GTPBP6: variants seen among roughly 807,000 people sequenced by gnomAD.
The protein encoded by GTPBP6 is GTP binding protein 6.
Under a neutral mutation model 28.9 loss-of-function variants are expected in GTPBP6, and 33 were observed. The ratio of observed to expected loss-of-function variants is 1.14; its 90% CI spans 0.87 to 1.53. GTPBP6 has a LOEUF of 1.53. Among genes scored for constraint, GTPBP6 ranks in the 40% most tolerant of loss-of-function variants. The probability of loss-of-function intolerance (pLI) is 0.00; values close to 1 mark genes in which losing one functional copy is unlikely to be tolerated. For missense variants in GTPBP6, 507 were observed against 408.3 expected, an observed-to-expected ratio of 1.24 and a Z score of -2.08; for synonymous variants, 231 against 192.7, an observed-to-expected ratio of 1.20 and a Z score of -1.65.
At chrX:316,524 C>T (rs2070443747) in intron 2 of GTPBP6, among the ~76,000 whole-genome samples, 3 of 152,158 alleles carry the variant, frequency 2.0e-5, no homozygotes, top group African/African-American at 7.2e-5. Flanking sequence ...ACCTGGGAAG[C>T]GCAAGGATCG....
intron 2 of GTPBP6, among the ~76,000 whole-genome samples, chrX:316,649 T>G (rs2070445768): frequency 6.6e-6 from 1 of 152,110 alleles, no homozygotes; most frequent in Non-Finnish European, 1.5e-5. Flanking sequence ...GCCTACCCTG[T>G]TTGTTGGACT....
At chrX:312,199 ATTAT>A in intron 6 of GTPBP6, 1 of 410,760 alleles carries the variant, frequency 2.4e-6, no homozygotes, top group South Asian at 1.7e-5. Flanking sequence ...ACACGGGTGG[ATTAT>A]GTAGACGGGG....
At chrX:318,292 A>G (rs1294484433) in intron 1 of GTPBP6, 147 bp downstream of exon 1, 1 of 317,700 alleles carries the variant, frequency 3.1e-6, no homozygotes, top group Non-Finnish European at 5.2e-6. Flanking sequence ...GATTCTCCCC[A>G]CAGAACCCCG....
At chrX:317,721 AC>A (rs1377266219) in intron 1 of GTPBP6, among the ~76,000 whole-genome samples, 3 of 11,090 alleles carry the variant, frequency 2.7e-4, no homozygotes, top group Admixed American at 9.4e-4. Flanking sequence ...ACCCCACCCC[AC>A]CCCACCCCAC....
exon 10 of GTPBP6, chrX:305,020 C>G (rs892892646): frequency 1.2e-6 from 2 of 1,600,084 alleles, no homozygotes; most frequent in African/African-American, 2.7e-5. Flanking sequence ...GCGGTAACGC[C>G]TCAGCTCCCC....
exon 7 of GTPBP6, chrX:311,544 C>T (rs1322416038): frequency 1.9e-6 from 3 of 1,612,170 alleles, no homozygotes; most frequent in Non-Finnish European, 2.5e-6. Flanking sequence ...CCCGCGTGGG[C>T]CGTGACGTCC....
rs1569347054 is a variant in GTPBP6, at chrX:307,516, C to T, written c.1275-4G>A. ...GTTCGGTTCCGTGGGGCTGTACCTGCAAGGGTGGGGATGTCACAGGCCCCG... is the reference window on the plus strand; with the variant it reads ...GTTCGGTTCCGTGGGGCTGTACCTGTAAGGGTGGGGATGTCACAGGCCCCG... On this transcript the variant is annotated splice_polypyrimidine_tract_variant and splice_region_variant and intron_variant, in intron 8 of 9. Coordinates refer to ENST00000326153, the Ensembl canonical transcript of GTPBP6. The T allele has an allele frequency of 1.1e-5, 17 of 1,610,462 alleles. No individual in the cohort carries two copies. The highest frequency in any genetic ancestry group is 1.4e-5 in the Non-Finnish European group (17 of 1,179,364).
intron 9 of GTPBP6, among the ~76,000 whole-genome samples, chrX:306,203 TAC>T (rs1400860288): frequency 3.3e-5 from 5 of 152,178 alleles, no homozygotes; most frequent in Middle Eastern, 3.4e-3. Flanking sequence ...GTCAGAAATG[TAC>T]ATTTTGACTG....
chrX:311,443 G>A (rs1349466872), exon 7 of GTPBP6: 1 of 1,457,278 alleles, frequency 6.9e-7, no homozygotes, highest in South Asian at 1.3e-5. Context: ...CTTCCAGGGT[G>A]GCGGAGAAGG....
chrX:314,931 C>T (rs1431112353), exon 4 of GTPBP6: 2 of 398,644 alleles, frequency 5.0e-6, no homozygotes, highest in African/African-American at 4.1e-5. Context: ...GAAGCCGGGC[C>T]TCCTTCGTGC....
intron 7 of GTPBP6, among the ~76,000 whole-genome samples, chrX:308,732 CTT>C (rs1164566238): frequency 0.023 from 2,493 of 109,444 alleles, 35 homozygotes; most frequent in African/African-American, 0.067. Flanking sequence ...GAAAGTTTTA[CTT>C]TTTTTTTTTT....
At chrX:310,259 G>A (rs1422350086) in intron 7 of GTPBP6, among the ~76,000 whole-genome samples, 1 of 146,234 alleles carries the variant, frequency 6.8e-6, no homozygotes, top group African/African-American at 2.5e-5. Context: ...CTAATGACAG[G>A]TGTCCTTCTA....
At chrX:318,690 G>A in exon 1 of GTPBP6, 1 of 388,256 alleles carries the variant, frequency 2.6e-6, no homozygotes, top group Admixed American at 4.5e-5. Context: ...TAGCGCGCGC[G>A]CGGGGCAGGA....
chrX:316,720 C>G (rs1286963105), intron 2 of GTPBP6, among the ~76,000 whole-genome samples, 194 bp downstream of exon 2: 2 of 152,152 alleles, frequency 1.3e-5, no homozygotes, highest in Admixed American at 6.5e-5. Flanking sequence ...CGGTGTGAAT[C>G]TCGACACAGA....
At chrX:307,971 C>G (rs1045600395) in intron 7 of GTPBP6, 91 bp from the exon 8 acceptor site, 1 of 1,160,756 alleles carries the variant, frequency 8.6e-7, no homozygotes, top group East Asian at 2.8e-5. Context: ...CTCACACGAG[C>G]TCCCAACGAC....
At chrX:307,773 G>C in exon 8 of GTPBP6, 1 of 1,533,116 alleles carries the variant, frequency 6.5e-7, no homozygotes, top group Non-Finnish European at 8.8e-7. Flanking sequence ...CCACCATGGA[G>C]TCCAGGAGCG....
At chrX:315,129 T>C (rs1416597835) in intron 3 of GTPBP6, 100 bp downstream of exon 3, 26 of 398,028 alleles carry the variant, frequency 6.5e-5, no homozygotes, top group African/African-American at 3.1e-4. Context: ...CGTGTCCCCA[T>C]CTGTCCCCAT....
chrX:311,453 G>A (rs763730404), exon 7 of GTPBP6: 17 of 1,502,286 alleles, frequency 1.1e-5, no homozygotes, highest in Non-Finnish European at 1.5e-5. Context: ...GGCGGAGAAG[G>A]ACTCGATGAG....
intron 9 of GTPBP6, 83 bp downstream of exon 9, chrX:307,277 G>C: frequency 2.3e-6 from 3 of 1,305,798 alleles, no homozygotes; most frequent in African/African-American, 2.9e-5. Flanking sequence ...ACAGCTCCTT[G>C]TGCACCCACG....
Sources: allele counts gnomAD v4.1 joint callset (sites outside exome capture counted in the v4.1 genomes callset), GRCh38; gene constraint gnomAD v4.1.1; transcripts MANE v1.5; gene names NCBI Gene and HGNC (gene_info 2026-07-23, HGNC 2026-07-21).